Variants in NBEAL2 observed in about 807,000 individuals in gnomAD.
The protein encoded by NBEAL2 is neurobeachin-like protein 2.
A neutral mutation model predicts 299.8 loss-of-function variants in NBEAL2; 160 were observed. The observed-to-expected ratio is 0.53, with a 90% CI of 0.47 to 0.61. The LOEUF is 0.61. Ranked by LOEUF, NBEAL2 falls within the 20% of genes least tolerant of loss-of-function variation. The pLI is 0.00. For synonymous variants in NBEAL2, 1,493 were observed against 1,542.3 expected (o/e 0.97, Z 0.75); for missense variants, 3,112 against 3,649.0 (o/e 0.85, Z 3.79).
intron 10 of NBEAL2, 142 bp from the exon 11 acceptor site, chr3:46,993,795 G>C (rs1221762550): frequency 2.8e-6 from 2 of 719,384 alleles, no homozygotes; most frequent in African/African-American, 3.5e-5. Context: ...GGAGTAGAAG[G>C]CCTGGTGCTC....
In NBEAL2 at chr3:47,003,705, G is replaced by A; in HGVS notation, c.5721-111G>A. 2 of 1,347,812 alleles carry A rather than the reference G, an allele frequency of 1.5e-6. No individual in the cohort carries two copies. The highest frequency in any genetic ancestry group is 3.1e-5 in the South Asian group (2 of 64,070). The allele number at this position is 1,347,812 out of a possible 1,614,324, so 83.5% of individuals were successfully genotyped here. A position where few individuals can be genotyped will look rare whatever the true frequency, so the allele number is the denominator to read the frequency against. ...CCCTAGGCAGCCCCTCCCCATCTCTGGGAGTCATGAGAGTATATACCCCAT... is the reference window on the plus strand; with the variant it reads ...CCCTAGGCAGCCCCTCCCCATCTCTAGGAGTCATGAGAGTATATACCCCAT... On this transcript the variant is annotated intron_variant, in intron 35 of 53. Transcript: ENST00000450053. The surrounding 1 kb of genome is among the most constrained non-coding windows in gnomAD (Gnocchi z 7.0).
At position 47,002,523 on chromosome 3, in the gene NBEAL2, G is replaced by GTGCCACCCGGGGTAAGGGATGGGAAAC. The variant is rs2037095299; in HGVS notation, c.5301+7_5301+33dup. On this transcript the variant is annotated splice_donor_region_variant and intron_variant, in intron 32 of 53. Transcript: ENST00000450053. Reference sequence around the variant, plus strand: ...CCCAGAGTCGTCGGGCCTTCCAGGTGTGCCACCCGGGGTAAGGGATGGGAA... The same window carrying GTGCCACCCGGGGTAAGGGATGGGAAAC: ...CCCAGAGTCGTCGGGCCTTCCAGGTGTGCCACCCGGGGTAAGGGATGGGAAACTGCCACCCGGGGTAAGGGATGGGAA... 1 of 1,612,136 alleles carries GTGCCACCCGGGGTAAGGGATGGGAAAC rather than the reference G, an allele frequency of 6.2e-7. No homozygotes were observed. The highest frequency in any genetic ancestry group is 8.5e-7 in the Non-Finnish European group (1 of 1,179,572).
Position 47,007,106 on chromosome 3 carries a change from C to T in NBEAL2, c.7175C>T (p.Pro2392Leu). The T allele has an allele frequency of 1.9e-6, 3 of 1,613,558 alleles. No homozygotes were observed. The highest frequency in any genetic ancestry group is 2.5e-6 in the Non-Finnish European group (3 of 1,179,738). The change falls in exon 46 of 54, where the codon CCC (proline) becomes CTC (leucine). Residue 2392 changes from proline to leucine, a missense_variant. Physicochemically the swap from Pro to Leu is moderately conservative, Grantham distance 98 (BLOSUM62 -3). This residue lies in a region of NBEAL2 where 521 missense variants were observed against 729.6 expected (regional missense o/e 0.71). Transcript: ENST00000450053. ...GTACCCCTGGTGCTAGCCCTGGTCC[C>T]CCACCGGCAGCCCCACTCCTTCATC... ...DGVPLVLALV[P>L]HRQPHSFITQ... is the part of the protein sequence containing the mutation.
Position 47,007,816 on chromosome 3 carries a change from A to C in NBEAL2, c.7508A>C (p.Asp2503Ala). 1 of 1,613,052 alleles carries C rather than the reference A, an allele frequency of 6.2e-7. No homozygotes were observed. ...CCTGTACCCTCCCCTTCCCATGCAG[A>C]TGTAGTAACCTGCCTTGCACTGGAC... is the stretch of plus-strand genomic sequence containing the variant. Reference protein sequence around the residue: ...KLLSQLSCHLDVVTCLALDTC... With the variant: ...KLLSQLSCHLAVVTCLALDTC... Residue 2503 changes from aspartate (D) to alanine (A), a missense_variant and splice_region_variant, in exon 49 of 54, where the codon GAT (aspartate) becomes GCT (alanine). Around this residue, in one of 3 missense-constraint regions of NBEAL2, gnomAD observed 348 missense variants for 381.4 expected, o/e 0.91. Transcript: ENST00000450053.
chr3:47,008,490 G>A, intron 51 of NBEAL2, 30 bp from the exon 52 acceptor site: 1 of 1,610,888 alleles, frequency 6.2e-7, no homozygotes, highest in Non-Finnish European at 8.5e-7. Context: ...TTGGGATCCT[G>A]TCCTTGCTGA....
intron 11 of NBEAL2, among the ~76,000 whole-genome samples, 185 bp from the exon 12 acceptor site, chr3:46,994,270 C>A (rs1411708483): frequency 6.6e-6 from 1 of 152,190 alleles, no homozygotes; most frequent in East Asian, 1.9e-4. Context: ...CATCTACAGC[C>A]TTCTGAGATG....
At chr3:46,998,346 G>A (rs759323142) in intron 21 of NBEAL2, 117 bp from the exon 22 acceptor site, 19 of 1,510,904 alleles carry the variant, frequency 1.3e-5, no homozygotes, top group East Asian at 9.8e-5. Context: ...GCCATGGGGC[G>A]GCTGAGGGGA....
intron 1 of NBEAL2, among the ~76,000 whole-genome samples, chr3:46,984,635 A>G (rs1394265789): frequency 6.6e-6 from 1 of 152,174 alleles, no homozygotes; most frequent in Non-Finnish European, 1.5e-5. Context: ...GGGATAGGCT[A>G]TTCCACATAA....
chr3:47,004,867 C>T lies in NBEAL2; in HGVS notation c.6295-105C>T. On this transcript the variant is annotated intron_variant, in intron 38 of 53. Transcript: ENST00000450053. This position sits in a 1 kb window ranked among gnomAD's most constrained non-coding sequence, Gnocchi z 5.0. ...CCCCTCTAAGTGGTGCTCCCCCAAC[C>T]TGTGGGCAGGCTCTGTGCCCGCCTT... 6.7e-7 allele frequency: 1 copy of T among 1,501,942 alleles called. No homozygotes were observed. The highest frequency in any genetic ancestry group is 1.4e-5 in the African/African-American group (1 of 72,364). The allele number at this position is 1,501,942 out of a possible 1,614,324, so 93.0% of individuals were successfully genotyped here.
In NBEAL2 at chr3:47,002,448, C is replaced by T. The variant is rs375746686; in HGVS notation, c.5229C>T (p.Ala1743=). 67 of 1,613,394 alleles carry T rather than the reference C, an allele frequency of 4.2e-5. No homozygotes were observed. In the African/African-American group the frequency reaches 7.3e-4, roughly 18 times the overall value. Reference sequence around the variant, plus strand: ...ACCTTATGTCAGGTTTCTGGAATGCCTGCTATGACATGCTTATGAGCAGTG... The same window carrying T: ...ACCTTATGTCAGGTTTCTGGAATGCTTGCTATGACATGCTTATGAGCAGTG... ...SHDLMSGFWN[A]CYDMLMSSGQ... Residue 1743 remains alanine, a synonymous_variant, in exon 32 of 54, where the codon GCC becomes GCT. Coordinates refer to ENST00000450053, the MANE Select transcript of NBEAL2 (RefSeq NM_015175.3).
At chr3:47,007,726 T>C (rs756278403) in intron 48 of NBEAL2, 29 bp downstream of exon 48, 9 of 1,609,074 alleles carry the variant, frequency 5.6e-6, no homozygotes, top group Non-Finnish European at 7.6e-6. Flanking sequence ...CTGGGGAGAA[T>C]GAGGCACACA....
intron 10 of NBEAL2, among the ~76,000 whole-genome samples, chr3:46,993,221 G>A (rs1433144855): frequency 1.3e-5 from 2 of 152,242 alleles, no homozygotes; most frequent in African/African-American, 2.4e-5. Context: ...TGTTTTTACA[G>A]ATGAGGACAC....
rs769563436 is a variant in NBEAL2, at chr3:46,989,010, T to G, written c.269+40T>G. 11 of 1,612,120 alleles carry G rather than the reference T, an allele frequency of 6.8e-6. No homozygotes were observed. The highest frequency in any genetic ancestry group is 2.7e-5 in the African/African-American group (2 of 74,896). On this transcript the variant is annotated intron_variant, in intron 3 of 53. Transcript: ENST00000450053. The surrounding 1 kb of genome is among the most constrained non-coding windows in gnomAD (Gnocchi z 5.5). ...CACTCTACAAGCAGGGGCCTAGAAC[T>G]GTGGGCCAGAGGGAGAGGGGACAAG...
At position 46,991,584 on chromosome 3, in the gene NBEAL2, G is replaced by C. The variant is rs372699842; in HGVS notation, c.821G>C (p.Arg274Pro). The change falls in exon 8 of 54, where the codon CGT becomes CCT. Residue 274 changes from arginine (R) to proline (P), a missense_variant. By Grantham distance (103) the Arg-to-Pro change is moderately radical (BLOSUM62 -2). This residue lies in a region of NBEAL2 where 2,243 missense variants were observed against 2,538.1 expected (regional missense o/e 0.88). Coordinates refer to ENST00000450053, the MANE Select transcript of NBEAL2 (RefSeq NM_015175.3). This position sits in a 1 kb window ranked among gnomAD's most constrained non-coding sequence, Gnocchi z 6.2. ...GCACCTCCTCGTGGCCCAGAGCTTC[G>C]TGCCCTGCTTGAGAGCTACTTCCAT... is the stretch of plus-strand genomic sequence containing the variant. ...SRAPPRGPEL[R>P]ALLESYFHVL... The C allele has an allele frequency of 2.0e-5, 32 of 1,602,082 alleles. No homozygotes were observed. In the South Asian group the frequency reaches 3.2e-4, roughly 16 times the overall value.
Position 47,001,602 on chromosome 3 carries a change from C to T in NBEAL2, c.4645-87C>T, listed in dbSNP as rs1204116974. On this transcript the variant is annotated intron_variant, in intron 29 of 53. Transcript: ENST00000450053. The surrounding 1 kb of genome is among the most constrained non-coding windows in gnomAD (Gnocchi z 6.1). ...CCTGTGTGCACAAACCCTACCTGGCCCCCAGCGCAAACTTTACTTTGCTCC... is the reference window on the plus strand; with the variant it reads ...CCTGTGTGCACAAACCCTACCTGGCTCCCAGCGCAAACTTTACTTTGCTCC... The T allele has an allele frequency of 8.8e-6, 14 of 1,582,502 alleles. No homozygotes were observed. In the East Asian group the frequency reaches 9.0e-5, roughly 10 times the overall value.
rs773164015 is a variant in NBEAL2 at position 46,995,944 on chromosome 3, A to T, written c.2044A>T (p.Ile682Phe). ...FADSAWHCVA[I>F]VHVPGRRPFS... ...GCTTCTGTTCTAGCACTGCGTGGCT[A>T]TCGTCCATGTGCCTGGGCGCCGGCC... is the stretch of plus-strand genomic sequence containing the variant. The change falls in exon 15 of 54, where the codon ATC (isoleucine) becomes TTC (phenylalanine). Residue 682 changes from isoleucine (I) to phenylalanine (F), a missense_variant. Ile to Phe is a conservative substitution (Grantham distance 21). This residue lies in a region of NBEAL2 where 2,243 missense variants were observed against 2,538.1 expected (regional missense o/e 0.88). Coordinates refer to ENST00000450053, the MANE Select transcript of NBEAL2 (RefSeq NM_015175.3). 2.5e-6 allele frequency: 4 copies of T among 1,613,444 alleles called. No individual in the cohort carries two copies. Among genetic ancestry groups the T allele is most frequent in the Non-Finnish European group, 2.5e-6 (3 of 1,179,802 alleles).
At chr3:46,994,322 A>T (rs1244719869) in intron 11 of NBEAL2, 133 bp from the exon 12 acceptor site, 3 of 817,518 alleles carry the variant, frequency 3.7e-6, no homozygotes, top group Non-Finnish European at 6.1e-6. Context: ...ACTGCCCACC[A>T]GCACTGTCAC....
At position 47,003,709 on chromosome 3, in the gene NBEAL2, G is replaced by T; in HGVS notation, c.5721-107G>T. On this transcript the variant is annotated intron_variant, in intron 35 of 53. Coordinates refer to ENST00000450053, the MANE Select transcript of NBEAL2 (RefSeq NM_015175.3). This position sits in a 1 kb window ranked among gnomAD's most constrained non-coding sequence, Gnocchi z 7.0. ...AGGCAGCCCCTCCCCATCTCTGGGA[G>T]TCATGAGAGTATATACCCCATGACT... is the stretch of plus-strand genomic sequence containing the variant. 1 of 1,380,802 alleles carries T rather than the reference G, an allele frequency of 7.2e-7. No individual in the cohort carries two copies. Among genetic ancestry groups the T allele is most frequent in the Non-Finnish European group, 9.7e-7 (1 of 1,034,158 alleles). 85.5% of individuals were successfully genotyped at this position (1,380,802 alleles called of 1,614,324 possible).
At chr3:46,985,231 C>T (rs547025610) in intron 1 of NBEAL2, among the ~76,000 whole-genome samples, 6 of 152,168 alleles carry the variant, frequency 3.9e-5, no homozygotes, top group Admixed American at 3.3e-4. Context: ...GTGGGCACCA[C>T]CCTACAGGGC....
Sources: gnomAD v4.1 joint callset for allele counts (sites outside exome capture counted in the v4.1 genomes callset) on GRCh38, gnomAD v4.1.1 for gene constraint, gnomAD v4.1.1 regional missense constraint, Gnocchi (gnomAD v3.1) non-coding constraint, MANE v1.5 for transcripts, NCBI Gene and HGNC (gene_info 2026-07-23, HGNC 2026-07-21) for gene names.